The following ADAMTS3 variants were observed in gnomAD, a reference collection of about 807,000 sequenced individuals.
The protein encoded by ADAMTS3 is A disintegrin and metalloproteinase with thrombospondin motifs 3.
A neutral mutation model predicts 129.0 loss-of-function variants in ADAMTS3; 73 were observed. That is an observed-to-expected ratio of 0.57 (90% CI 0.47 to 0.69). The LOEUF is 0.69. ADAMTS3 is among the 30% of genes least tolerant of loss of function. ADAMTS3 has a pLI of 0.00. For synonymous variants in ADAMTS3, 477 were observed against 510.8 expected (o/e 0.93, Z 0.89); for missense variants, 1,457 against 1,514.5 (o/e 0.96, Z 0.63).
chr4:72,295,894 G>A (rs1301228370), intron 18 of ADAMTS3, 108 bp from the exon 19 acceptor site: 2 of 1,335,616 alleles, frequency 1.5e-6, no homozygotes, highest in Non-Finnish European at 2.1e-6. Flanking sequence ...CAATAAATAT[G>A]TATTGAGTGC....
chr4:72,542,319 C>A (rs554309702), intron 3 of ADAMTS3, among the ~76,000 whole-genome samples: 2 of 152,082 alleles, frequency 1.3e-5, no homozygotes, highest in African/African-American at 4.8e-5. Context: ...CGCCCACCAC[C>A]ACGCCCGGCT....
At chr4:72,536,875 T>C (rs1281501714) in intron 3 of ADAMTS3, among the ~76,000 whole-genome samples, 1 of 152,212 alleles carries the variant, frequency 6.6e-6, no homozygotes, top group Non-Finnish European at 1.5e-5. Context: ...TTCATGCTTA[T>C]TGATTATTCC....
intron 3 of ADAMTS3, among the ~76,000 whole-genome samples, chr4:72,426,258 C>T (rs1049160663): frequency 3.9e-5 from 6 of 152,098 alleles, no homozygotes; most frequent in African/African-American, 1.4e-4. Flanking sequence ...GAGTAGATTG[C>T]AAAAATTTTC....
intron 4 of ADAMTS3, among the ~76,000 whole-genome samples, chr4:72,385,809 T>C (rs978549613): frequency 6.6e-6 from 1 of 152,136 alleles, no homozygotes; most frequent in African/African-American, 2.4e-5. Flanking sequence ...TCATGCAATA[T>C]ACCCATGTAA....
intron 3 of ADAMTS3, among the ~76,000 whole-genome samples, chr4:72,416,413 A>G (rs1351772773): frequency 1.7e-4 from 26 of 151,930 alleles, no homozygotes; most frequent in Admixed American, 1.7e-3. Flanking sequence ...GTGCACATAC[A>G]AACAGCCCTG....
chr4:72,400,259 C>T (rs867979735), intron 4 of ADAMTS3, among the ~76,000 whole-genome samples: 74 of 120,412 alleles, frequency 6.1e-4, no homozygotes, highest in African/African-American at 1.9e-3. Context: ...TGTGTATATA[C>T]GTGTGTATAT....
intron 17 of ADAMTS3, 138 bp downstream of exon 17, chr4:72,303,779 T>C: frequency 1.2e-6 from 1 of 813,720 alleles, no homozygotes; most frequent in South Asian, 1.7e-5. Context: ...GGGGGAAAGA[T>C]AAATGGAATT....
Position 72,309,434 on chromosome 4 carries a change from G to A in ADAMTS3, c.2142C>T (p.Thr714=), listed in dbSNP as rs764368780. Reference sequence around the variant, plus strand: ...GAGTTCTGGTAAATGTCCCCTTCACGGTTCGGCAGTGGGAATTATCTCCTC... The same window carrying A: ...GAGTTCTGGTAAATGTCCCCTTCACAGTTCGGCAGTGGGAATTATCTCCTC... ...VCGGDNSHCR[T]VKGTFTRTPR... The change falls in exon 15 of 22, where the codon ACC becomes ACT. Residue 714 remains threonine, a synonymous_variant. Transcript: ENST00000286657. 38 of 1,611,830 alleles carry A rather than the reference G, an allele frequency of 2.4e-5. No individual in the cohort carries two copies. Among genetic ancestry groups the A allele is most frequent in the Non-Finnish European group, 3.0e-5 (35 of 1,178,596 alleles).
At chr4:72,530,626 T>C (rs1272185332) in intron 3 of ADAMTS3, among the ~76,000 whole-genome samples, 1 of 84,204 alleles carries the variant, frequency 1.2e-5, no homozygotes, top group East Asian at 4.0e-4. Context: ...TAATATATAT[T>C]ATTATATAAT....
chr4:72,448,462 G>A (rs989813910), intron 3 of ADAMTS3, among the ~76,000 whole-genome samples: 3 of 151,686 alleles, frequency 2.0e-5, no homozygotes. Context: ...TGGTTTATAA[G>A]TTATTCTTTA....
intron 4 of ADAMTS3, among the ~76,000 whole-genome samples, chr4:72,366,331 A>G (rs564812929): frequency 2.0e-5 from 3 of 152,336 alleles, no homozygotes; most frequent in African/African-American, 7.2e-5. Context: ...GCTTTTCATT[A>G]TCTCGCTATT....
chr4:72,475,964 A>T (rs1037278435), intron 3 of ADAMTS3, among the ~76,000 whole-genome samples: 1 of 152,038 alleles, frequency 6.6e-6, no homozygotes, highest in Non-Finnish European at 1.5e-5. Context: ...TGTGGGACAC[A>T]GTTAAAGCAG....
chr4:72,440,077 C>A, intron 3 of ADAMTS3, among the ~76,000 whole-genome samples: 1 of 151,634 alleles, frequency 6.6e-6, no homozygotes, highest in Admixed American at 6.6e-5. Flanking sequence ...TTTAAAATAC[C>A]ACTAATATTT....
intron 4 of ADAMTS3, among the ~76,000 whole-genome samples, chr4:72,399,693 A>G (rs956721338): frequency 1.0e-4 from 15 of 148,784 alleles, no homozygotes; most frequent in African/African-American, 2.0e-4. Flanking sequence ...ATATATGTGT[A>G]TATATACACA....
chr4:72,328,136 G>C (rs1177559381), intron 5 of ADAMTS3, among the ~76,000 whole-genome samples: 2 of 152,184 alleles, frequency 1.3e-5, no homozygotes, highest in Non-Finnish European at 2.9e-5. Context: ...CAACCTATTG[G>C]ACCATGGGTA....
intron 3 of ADAMTS3, among the ~76,000 whole-genome samples, chr4:72,442,635 T>A (rs1160044437): frequency 6.6e-6 from 1 of 151,548 alleles, no homozygotes; most frequent in Non-Finnish European, 1.5e-5. Context: ...CATTTCAACA[T>A]GAGATGTGAA....
intron 3 of ADAMTS3, among the ~76,000 whole-genome samples, chr4:72,535,884 A>C (rs1235613102): frequency 1.3e-5 from 2 of 152,184 alleles, no homozygotes; most frequent in Non-Finnish European, 2.9e-5. Context: ...TTCTATCCCA[A>C]ATACATCTCA....
At chr4:72,503,844 A>G (rs950553339) in intron 3 of ADAMTS3, among the ~76,000 whole-genome samples, 3 of 152,198 alleles carry the variant, frequency 2.0e-5, no homozygotes, top group Non-Finnish European at 4.4e-5. Flanking sequence ...CTTTATCATT[A>G]TGTAATATCC....
chr4:72,396,688 A>C (rs1285149601), intron 4 of ADAMTS3, among the ~76,000 whole-genome samples: 1 of 152,100 alleles, frequency 6.6e-6, no homozygotes, highest in African/African-American at 2.4e-5. Flanking sequence ...TTTAAAGCAC[A>C]TTATGTTGGG....
Sources: allele counts gnomAD v4.1 joint callset (sites outside exome capture counted in the v4.1 genomes callset), GRCh38; gene constraint gnomAD v4.1.1; transcripts MANE v1.5; gene names NCBI Gene and HGNC (gene_info 2026-07-23, HGNC 2026-07-21).